Variants in WNT3A observed in about 807,000 individuals in gnomAD.
WNT3A encodes protein Wnt-3a.
A neutral mutation model predicts 37.0 loss-of-function variants in WNT3A; 17 were observed. That is an observed-to-expected ratio of 0.46 (90% CI 0.31 to 0.69). The LOEUF is 0.69. WNT3A is among the 30% of genes least tolerant of loss of function. WNT3A has a pLI of 0.05. For missense variants in WNT3A, 411 were observed against 510.2 expected (o/e 0.81, Z 1.87); for synonymous variants, 187 against 211.0 (o/e 0.89, Z 0.99).
chr1:228,010,151 G>A (rs1038350371), intron 1 of WNT3A, among the ~76,000 whole-genome samples: 19 of 152,348 alleles, frequency 1.2e-4, no homozygotes, highest in African/African-American at 4.6e-4. Context: ...GAGCCCACAT[G>A]GACAGAGGAC....
At chr1:228,041,319 T>C (rs911735976) in intron 2 of WNT3A, among the ~76,000 whole-genome samples, 1 of 151,992 alleles carries the variant, frequency 6.6e-6, no homozygotes, top group East Asian at 1.9e-4. Flanking sequence ...TCTTCTGCCT[T>C]TCCCTAAATG....
intron 3 of WNT3A, among the ~76,000 whole-genome samples, chr1:228,052,325 G>A (rs1458987439): frequency 1.3e-5 from 2 of 151,990 alleles, no homozygotes; most frequent in Non-Finnish European, 2.9e-5. Flanking sequence ...TGTATTTTTA[G>A]TGGAGATAGG....
intron 2 of WNT3A, among the ~76,000 whole-genome samples, chr1:228,046,804 T>C (rs1374351034): frequency 6.7e-6 from 1 of 150,218 alleles, no homozygotes; most frequent in Non-Finnish European, 1.5e-5. Flanking sequence ...TGTGTGCATG[T>C]GTGTGGTGTG....
chr1:228,027,411 C>T (rs2102767412), intron 2 of WNT3A, among the ~76,000 whole-genome samples: 1 of 152,342 alleles, frequency 6.6e-6, no homozygotes, highest in African/African-American at 2.4e-5. Flanking sequence ...TAAGCATCCT[C>T]TTTTCCCCAC....
At chr1:228,014,924 G>A (rs1392842258) in intron 1 of WNT3A, among the ~76,000 whole-genome samples, 4 of 152,250 alleles carry the variant, frequency 2.6e-5, no homozygotes, top group Non-Finnish European at 5.9e-5. Context: ...CATGGGTCTA[G>A]GGACTGGGGC....
chr1:228,025,041 G>A (rs2030818676), intron 2 of WNT3A, among the ~76,000 whole-genome samples: 1 of 152,174 alleles, frequency 6.6e-6, no homozygotes, highest in Non-Finnish European at 1.5e-5. Context: ...GATTGTTGTA[G>A]CTTTGTGGTA....
chr1:228,052,360 T>C (rs2031573904), intron 3 of WNT3A, among the ~76,000 whole-genome samples: 1 of 152,204 alleles, frequency 6.6e-6, no homozygotes, highest in South Asian at 2.1e-4. Flanking sequence ...GCCAGGCTGG[T>C]CTTGAGCTTT....
chr1:228,043,482 T>C lies in WNT3A; in HGVS notation c.314-7174T>C, dbSNP rs188557550. Among the ~76,000 whole-genome samples, 212 of 152,358 alleles carry C rather than the reference T, an allele frequency of 1.4e-3. 1 individual carries two copies. Among genetic ancestry groups the C allele is most frequent in the Non-Finnish European group, 1.4e-3 (97 of 68,032 alleles). ...TTTCCTGCTGACTGGGATGATTTCC[T>C]GGCCTTCTGGGATGGCTGGCACTTC... On this transcript the variant is annotated intron_variant, in intron 2 of 3. Transcript: ENST00000284523.
chr1:228,056,403 C>T (rs1273209195), intron 3 of WNT3A, among the ~76,000 whole-genome samples: 3 of 152,016 alleles, frequency 2.0e-5, no homozygotes, highest in Non-Finnish European at 4.4e-5. Flanking sequence ...GAAATTGGAA[C>T]AGGATGGTAA....
At chr1:228,015,279 G>A (rs2030493808) in intron 1 of WNT3A, among the ~76,000 whole-genome samples, 1 of 152,224 alleles carries the variant, frequency 6.6e-6, no homozygotes, top group African/African-American at 2.4e-5. Flanking sequence ...GGATTCCAGG[G>A]AAAGGGGACA....
intron 2 of WNT3A, among the ~76,000 whole-genome samples, chr1:228,046,554 G>T (rs1558293227): frequency 6.6e-6 from 1 of 151,350 alleles, no homozygotes; most frequent in Admixed American, 6.6e-5. Flanking sequence ...GTGTGTATTT[G>T]TGTGTGTGCA....
At chr1:228,044,706 T>C (rs1338656006) in intron 2 of WNT3A, among the ~76,000 whole-genome samples, 1 of 152,268 alleles carries the variant, frequency 6.6e-6, no homozygotes, top group East Asian at 1.9e-4. Flanking sequence ...GCTTCTCCTG[T>C]GCACAGTTAA....
rs779493560 is a variant in WNT3A, at chr1:228,060,336, G to A, written c.*871G>A. On this transcript the variant is annotated 3_prime_UTR_variant, in exon 4 of 4. Coordinates refer to ENST00000284523, the MANE Select transcript of WNT3A (RefSeq NM_033131.4). ...TCGGGTCCCCAACCCGTGCCCCTGGGATCCGAGGGCCCCTCTCCAAGCGCC... is the reference window on the plus strand; with the variant it reads ...TCGGGTCCCCAACCCGTGCCCCTGGAATCCGAGGGCCCCTCTCCAAGCGCC... 2.3e-6 allele frequency: 3 copies of A among 1,331,394 alleles called. No homozygotes were observed. The highest frequency in any genetic ancestry group is 4.6e-5 in the East Asian group (1 of 21,772). 82.5% of individuals were successfully genotyped at this position (1,331,394 alleles called of 1,614,324 possible).
At chr1:228,015,918 GGCA>G (rs1322689699) in intron 1 of WNT3A, among the ~76,000 whole-genome samples, 5 of 152,056 alleles carry the variant, frequency 3.3e-5, no homozygotes, top group Non-Finnish European at 7.4e-5. Context: ...CTTGTCTTAG[GGCA>G]CCAGGCAGGA....
rs372818343 is a variant in WNT3A at position 228,060,218 on chromosome 1, G to A, written c.*753G>A. Reference sequence around the variant, plus strand: ...CTTCTGCAGGAATCCCGGCTCCAGAGCAGGAAATTCAGCCCACCAGCCACC... The same window carrying A: ...CTTCTGCAGGAATCCCGGCTCCAGAACAGGAAATTCAGCCCACCAGCCACC... On this transcript the variant is annotated 3_prime_UTR_variant, in exon 4 of 4. Transcript: ENST00000284523. The A allele has an allele frequency of 7.4e-7, 1 of 1,351,834 alleles. No homozygotes were observed. Among genetic ancestry groups the A allele is most frequent in the East Asian group, 4.5e-5 (1 of 21,982 alleles). 83.7% of individuals were successfully genotyped at this position (1,351,834 alleles called of 1,614,324 possible).
At chr1:228,057,946 T>C (rs1209419123) in intron 3 of WNT3A, among the ~76,000 whole-genome samples, 2 of 152,142 alleles carry the variant, frequency 1.3e-5, no homozygotes, top group African/African-American at 4.8e-5. Context: ...CTCAAGCAAT[T>C]CTGCCTCTGC....
chr1:228,016,511 G>T (rs1178291075), intron 1 of WNT3A, among the ~76,000 whole-genome samples: 3 of 152,094 alleles, frequency 2.0e-5, no homozygotes, highest in Admixed American at 2.0e-4. Flanking sequence ...CTGCATTGGG[G>T]ACAGGAAGCC....
chr1:228,036,433 C>T (rs911469910), intron 2 of WNT3A, among the ~76,000 whole-genome samples: 1 of 152,130 alleles, frequency 6.6e-6, no homozygotes, highest in African/African-American at 2.4e-5. Context: ...GCTTCATATC[C>T]TCACACCTCC....
chr1:228,050,500 T>G lies in WNT3A; in HGVS notation c.314-156T>G, dbSNP rs1209402626. Among the ~76,000 whole-genome samples, 1 of 152,204 alleles carries G rather than the reference T, an allele frequency of 6.6e-6. No individual in the cohort carries two copies. The highest frequency in any genetic ancestry group is 1.5e-5 in the Non-Finnish European group (1 of 68,038). ...GCTGGAGCCATGCTTCTGTGTAGCC[T>G]GTAGATCCGTGAACCAAGTAAGCCT... is the stretch of plus-strand genomic sequence containing the variant. On this transcript the variant is annotated intron_variant, in intron 2 of 3. Transcript: ENST00000284523. This position sits in a 1 kb window ranked among gnomAD's most constrained non-coding sequence, Gnocchi z 5.0.
Sources: allele counts gnomAD v4.1 joint callset (sites outside exome capture counted in the v4.1 genomes callset), GRCh38; gene constraint gnomAD v4.1.1; non-coding constraint Gnocchi (gnomAD v3.1); transcripts MANE v1.5; gene names NCBI Gene and HGNC (gene_info 2026-07-23, HGNC 2026-07-21).